Variants in PHF20L1 observed in about 807,000 individuals in gnomAD.
The protein encoded by PHF20L1 is PHD finger protein 20-like protein 1.
Under a neutral mutation model 125.5 loss-of-function variants are expected in PHF20L1, and 44 were observed. The observed-to-expected ratio is 0.35, with a 90% CI of 0.28 to 0.45. PHF20L1 has a LOEUF of 0.45. Ranked by LOEUF, PHF20L1 falls within the 20% of genes least tolerant of loss-of-function variation. The pLI is 1.00. For missense variants in PHF20L1, 1,012 were observed against 1,217.2 expected (o/e 0.83, Z 2.51); for synonymous variants, 380 against 403.1 (o/e 0.94, Z 0.69).
intron 14 of PHF20L1, among the ~76,000 whole-genome samples, chr8:132,830,134 G>C (rs578146287): frequency 6.6e-6 from 1 of 152,178 alleles, no homozygotes; most frequent in South Asian, 2.1e-4. Context: ...CTTAGGGACA[G>C]TCTGTTTTCT....
intron 2 of PHF20L1, among the ~76,000 whole-genome samples, chr8:132,791,663 T>C (rs1426682611): frequency 6.6e-6 from 1 of 152,220 alleles, no homozygotes; most frequent in East Asian, 1.9e-4. Context: ...ACATTTTTGA[T>C]AATGGTAATA....
Position 132,845,946 on chromosome 8 carries a change from G to T in PHF20L1, c.*23G>T. The stretch of plus-strand genomic sequence containing the variant: ...TGACAACAGTGAACACTTAATGAAA[G>T]AATGTGGCTTTCTTCAGTCAAAGCA... On this transcript the variant is annotated 3_prime_UTR_variant, in exon 21 of 21. Transcript: ENST00000395386. 1 of 1,591,226 alleles carries T rather than the reference G, an allele frequency of 6.3e-7. No homozygotes were observed. Among genetic ancestry groups the T allele is most frequent in the Non-Finnish European group, 8.6e-7 (1 of 1,163,180 alleles).
intron 9 of PHF20L1, chr8:132,813,187 A>G: frequency 1.1e-6 from 1 of 880,992 alleles, no homozygotes; most frequent in Non-Finnish European, 1.4e-6. Flanking sequence ...TTGTTTATTT[A>G]CAAGTAATGG....
chr8:132,814,011 ATTG>A (rs994189773), intron 9 of PHF20L1, among the ~76,000 whole-genome samples: 3 of 150,060 alleles, frequency 2.0e-5, no homozygotes, highest in African/African-American at 7.4e-5. Context: ...CTTGTTTTGT[ATTG>A]TTTTTTAGTC....
At chr8:132,819,148 C>T (rs999763803) in intron 12 of PHF20L1, among the ~76,000 whole-genome samples, 4 of 151,768 alleles carry the variant, frequency 2.6e-5, no homozygotes, top group African/African-American at 7.3e-5. Flanking sequence ...GGAAGGCACA[C>T]GAATATTCTT....
At chr8:132,812,247 C>T (rs1451305717) in intron 9 of PHF20L1, 27 of 982,744 alleles carry the variant, frequency 2.7e-5, no homozygotes, top group Non-Finnish European at 3.3e-5. Flanking sequence ...GTATTTTCAC[C>T]ACTGTTTATG....
chr8:132,817,408 C>T lies in PHF20L1; in HGVS notation c.1442C>T (p.Ser481Leu). 1.9e-6 allele frequency: 3 copies of T among 1,612,772 alleles called. No individual in the cohort carries two copies. The highest frequency in any genetic ancestry group is 1.1e-5 in the South Asian group (1 of 91,050). ...PCLPLDLSRG[S>L]EVTAPVASDS... The stretch of plus-strand genomic sequence containing the variant: ...CTCCCTCTTGACTTAAGTCGTGGTT[C>T]AGAAGTTACAGCACCGGTAGCCTCA... Residue 481 changes from serine (S) to leucine (L), a missense_variant, in exon 12 of 21, where the codon TCA becomes TTA. Around this residue, in one of 7 missense-constraint regions of PHF20L1, gnomAD observed 320 missense variants for 293.8 expected, o/e 1.09. Transcript: ENST00000395386.
chr8:132,802,957 T>C (rs529605115), intron 6 of PHF20L1, among the ~76,000 whole-genome samples: 1 of 151,944 alleles, frequency 6.6e-6, no homozygotes, highest in Non-Finnish European at 1.5e-5. Flanking sequence ...TGTAGAGATA[T>C]TTATATTTGT....
intron 2 of PHF20L1, among the ~76,000 whole-genome samples, chr8:132,782,056 A>G (rs1376637776): frequency 1.3e-5 from 2 of 152,204 alleles, no homozygotes; most frequent in East Asian, 1.9e-4. Flanking sequence ...ACTATTTTTT[A>G]TCTTATTTTC....
intron 2 of PHF20L1, among the ~76,000 whole-genome samples, chr8:132,793,165 T>C (rs911195432): frequency 6.6e-6 from 1 of 152,040 alleles, no homozygotes; most frequent in Non-Finnish European, 1.5e-5. Flanking sequence ...TGCAGTGATT[T>C]GTATACAAAG....
chr8:132,839,145 C>T, intron 17 of PHF20L1: 1 of 455,702 alleles, frequency 2.2e-6, no homozygotes, highest in South Asian at 3.4e-5. Context: ...GTTCCCTTTG[C>T]AAGTGTCATC....
intron 2 of PHF20L1, among the ~76,000 whole-genome samples, chr8:132,778,725 G>C (rs909983146): frequency 3.9e-5 from 6 of 152,142 alleles, no homozygotes; most frequent in Non-Finnish European, 7.3e-5. Context: ...TGGGTTAACT[G>C]GCCCCTCATT....
At chr8:132,800,669 T>C (rs556301048) in intron 6 of PHF20L1, among the ~76,000 whole-genome samples, 9 of 151,862 alleles carry the variant, frequency 5.9e-5, no homozygotes, top group African/African-American at 2.2e-4. Context: ...AGTAACACTT[T>C]TGTATATGCA....
intron 17 of PHF20L1, chr8:132,838,371 T>G (rs1234698946): frequency 6.4e-6 from 1 of 156,348 alleles, no homozygotes; most frequent in African/African-American, 2.4e-5. Flanking sequence ...CATATTCGAC[T>G]CATTGTAGAG....
At chr8:132,787,976 G>T (rs1417211483) in intron 2 of PHF20L1, among the ~76,000 whole-genome samples, 1 of 151,860 alleles carries the variant, frequency 6.6e-6, no homozygotes, top group Non-Finnish European at 1.5e-5. Context: ...TCATTTTTAT[G>T]ACTACCATAG....
chr8:132,808,932 A>G (rs899994887), intron 8 of PHF20L1: 1 of 151,728 alleles, frequency 6.6e-6, no homozygotes, highest in African/African-American at 2.4e-5. Context: ...GCTGGTCTCA[A>G]ACTCCTGGGC....
intron 2 of PHF20L1, among the ~76,000 whole-genome samples, chr8:132,788,136 A>G (rs1831265053): frequency 1.3e-5 from 2 of 152,106 alleles, no homozygotes; most frequent in Non-Finnish European, 2.9e-5. Context: ...GCCTTGTCCA[A>G]GAGAACATCC....
intron 15 of PHF20L1, among the ~76,000 whole-genome samples, chr8:132,835,493 T>C (rs1010601172): frequency 2.0e-5 from 3 of 152,132 alleles, no homozygotes; most frequent in African/African-American, 7.2e-5. Context: ...CCCCCGTGTC[T>C]GTCTCAATTT....
At chr8:132,779,262 G>A (rs1029194441) in intron 2 of PHF20L1, among the ~76,000 whole-genome samples, 1 of 152,162 alleles carries the variant, frequency 6.6e-6, no homozygotes. Context: ...ATCTCTCCTA[G>A]TGACGATCAA....
Sources: gnomAD v4.1 joint callset for allele counts (sites outside exome capture counted in the v4.1 genomes callset) on GRCh38, gnomAD v4.1.1 for gene constraint, gnomAD v4.1.1 regional missense constraint, MANE v1.5 for transcripts, NCBI Gene and HGNC (gene_info 2026-07-23, HGNC 2026-07-21) for gene names.